GABRG3: variants seen among roughly 807,000 people sequenced by gnomAD.
GABRG3 encodes the protein gamma-aminobutyric acid receptor subunit gamma-3.
In GABRG3, 25 loss-of-function variants were observed where a neutral mutation model predicts 48.8. The ratio of observed to expected loss-of-function variants is 0.51; its 90% confidence interval spans 0.37 to 0.72. The LOEUF (loss-of-function observed/expected upper bound fraction) is 0.72. Ranked by LOEUF, GABRG3 falls within the 30% of genes least tolerant of loss-of-function variation. The probability of loss-of-function intolerance (pLI) is 0.00; values close to 1 mark genes in which losing one functional copy is unlikely to be tolerated. For missense variants in GABRG3, 394 were observed against 577.9 expected, an observed-to-expected ratio of 0.68 and a Z score of 3.26; for synonymous variants, 227 against 217.6, an observed-to-expected ratio of 1.04 and a Z score of -0.38.
intron 3 of GABRG3, among the ~76,000 whole-genome samples, chr15:27,318,976 G>C (rs1380946046): frequency 6.6e-6 from 1 of 152,186 alleles, no homozygotes; most frequent in Non-Finnish European, 1.5e-5. Flanking sequence ...GGAGCCTATA[G>C]ATAATACTGT....
intron 3 of GABRG3, among the ~76,000 whole-genome samples, chr15:27,253,801 G>C (rs1303163203): frequency 6.6e-6 from 1 of 152,218 alleles, no homozygotes; most frequent in African/African-American, 2.4e-5. Flanking sequence ...CAATATAATG[G>C]AATGGGAAGG....
At position 27,535,299 on chromosome 15, in the gene GABRG3, C is replaced by T. The variant is rs1891523643; in HGVS notation, c.*2418C>T. 1.3e-5 allele frequency: 2 copies of T among 152,300 alleles called. No homozygotes were observed. The highest frequency in any genetic ancestry group is 4.8e-5 in the African/African-American group (2 of 41,566). 9.4% of individuals were successfully genotyped at this position (152,300 alleles called of 1,614,324 possible). On this transcript the variant is annotated 3_prime_UTR_variant, in exon 10 of 10. Transcript: ENST00000615808. ...TTGGGAGGAAAATAACCTAAAACAA[C>T]TTTTTATAACATGGATTTGTTTGAT...
intron 3 of GABRG3, among the ~76,000 whole-genome samples, chr15:27,304,846 C>T (rs1892340286): frequency 6.6e-6 from 1 of 151,902 alleles, no homozygotes. Flanking sequence ...ATTCTGTCTA[C>T]CACAAGTTGA....
intron 3 of GABRG3, among the ~76,000 whole-genome samples, chr15:27,174,584 GTCTCTCTC>G (rs150022606): frequency 0.15 from 20,996 of 139,676 alleles, 1,649 homozygotes; most frequent in Admixed American, 0.25. Flanking sequence ...TCTCTCTCTC[GTCTCTCTC>G]TCTCTCTCTC....
intron 5 of GABRG3, among the ~76,000 whole-genome samples, chr15:27,348,305 G>T (rs1431595574): frequency 6.6e-6 from 1 of 152,122 alleles, no homozygotes; most frequent in Non-Finnish European, 1.5e-5. Context: ...CAAGCTGCTT[G>T]GTCTTTGTCT....
chr15:27,442,308 A>G (rs1888813204), intron 5 of GABRG3, among the ~76,000 whole-genome samples: 1 of 152,154 alleles, frequency 6.6e-6, no homozygotes, highest in Non-Finnish European at 1.5e-5. Context: ...TTCCCCTGAG[A>G]GCTCCACAAG....
intron 3 of GABRG3, among the ~76,000 whole-genome samples, chr15:27,129,503 T>A (rs1897878619): frequency 6.6e-6 from 1 of 152,224 alleles, no homozygotes; most frequent in African/African-American, 2.4e-5. Flanking sequence ...AATGCTACTA[T>A]GTGTACACAA....
At chr15:27,427,340 T>G (rs975957169) in intron 5 of GABRG3, among the ~76,000 whole-genome samples, 2 of 152,226 alleles carry the variant, frequency 1.3e-5, no homozygotes, top group African/African-American at 2.4e-5. Context: ...CTAATGAAGT[T>G]GGCAATAAAC....
intron 5 of GABRG3, among the ~76,000 whole-genome samples, chr15:27,331,429 G>A (rs1238782353): frequency 2.0e-5 from 3 of 152,102 alleles, no homozygotes; most frequent in East Asian, 1.9e-4. Flanking sequence ...AGGAGCTACC[G>A]AGCCATAAAG....
At chr15:27,178,659 C>T (rs1322355241) in intron 3 of GABRG3, among the ~76,000 whole-genome samples, 1 of 152,070 alleles carries the variant, frequency 6.6e-6, no homozygotes, top group Non-Finnish European at 1.5e-5. Context: ...TTAGTTTCAA[C>T]AAAATATGGA....
At chr15:27,095,381 A>G (rs557081518) in intron 3 of GABRG3, among the ~76,000 whole-genome samples, 2 of 152,350 alleles carry the variant, frequency 1.3e-5, no homozygotes, top group African/African-American at 4.8e-5. Flanking sequence ...TCTGGAAATC[A>G]AGACACACCC....
At chr15:27,437,956 A>G (rs555851294) in intron 5 of GABRG3, among the ~76,000 whole-genome samples, 4 of 152,180 alleles carry the variant, frequency 2.6e-5, no homozygotes, top group Non-Finnish European at 5.9e-5. Context: ...CAAAACAAGT[A>G]TAGCCAGAAC....
chr15:27,210,323 G>A (rs1889033092), intron 3 of GABRG3, among the ~76,000 whole-genome samples: 1 of 152,176 alleles, frequency 6.6e-6, no homozygotes, highest in Non-Finnish European at 1.5e-5. Context: ...GAAAATAAGT[G>A]AGTTTAGATG....
intron 3 of GABRG3, among the ~76,000 whole-genome samples, chr15:27,064,811 T>C (rs561506893): frequency 7.2e-5 from 11 of 152,342 alleles, no homozygotes; most frequent in Middle Eastern, 3.4e-3. Flanking sequence ...AGCAATACTT[T>C]ATGATTTTGT....
intron 3 of GABRG3, among the ~76,000 whole-genome samples, chr15:27,083,255 C>T (rs994332112): frequency 6.6e-5 from 10 of 151,836 alleles, no homozygotes; most frequent in African/African-American, 1.9e-4. Flanking sequence ...TTTTTCCTGA[C>T]TTTCATTCAG....
intron 3 of GABRG3, among the ~76,000 whole-genome samples, chr15:27,171,545 T>A: frequency 6.9e-6 from 1 of 144,222 alleles, no homozygotes; most frequent in East Asian, 2.0e-4. Context: ...TGTATACACA[T>A]GTATATATAT....
intron 5 of GABRG3, among the ~76,000 whole-genome samples, chr15:27,432,980 C>T (rs990686551): frequency 6.6e-6 from 1 of 152,212 alleles, no homozygotes; most frequent in Non-Finnish European, 1.5e-5. Flanking sequence ...TCATCTCTTT[C>T]TGCACTGTCA....
At chr15:27,124,517 A>G (rs148348616) in intron 3 of GABRG3, among the ~76,000 whole-genome samples, 1 of 152,298 alleles carries the variant, frequency 6.6e-6, no homozygotes, top group East Asian at 1.9e-4. Flanking sequence ...GATCCGGGGA[A>G]ATGGAGGGAG....
At chr15:27,388,031 GAAA>G (rs1459547452) in intron 5 of GABRG3, among the ~76,000 whole-genome samples, 3 of 116,546 alleles carry the variant, frequency 2.6e-5, no homozygotes, top group African/African-American at 6.9e-5. Flanking sequence ...AGGGAGGGAG[GAAA>G]GGAAGGAAGG....
Sources: allele counts gnomAD v4.1 joint callset (sites outside exome capture counted in the v4.1 genomes callset), GRCh38; gene constraint gnomAD v4.1.1; transcripts MANE v1.5; gene names NCBI Gene and HGNC (gene_info 2026-07-23, HGNC 2026-07-21).